TSTD2: variants seen among roughly 807,000 people sequenced by gnomAD.
TSTD2 encodes the protein thiosulfate sulfurtransferase/rhodanese-like domain-containing protein 2.
In TSTD2, 37 loss-of-function variants were observed where a neutral mutation model predicts 47.9. The ratio of observed to expected loss-of-function variants is 0.77; its 90% CI spans 0.59 to 1.02. TSTD2 has a LOEUF of 1.02. TSTD2 is among the 50% of genes least tolerant of loss of function. TSTD2 has a pLI of 0.00. For missense variants in TSTD2, 586 were observed against 616.0 expected (o/e 0.95, Z 0.52); for synonymous variants, 201 against 215.9 (o/e 0.93, Z 0.61).
chr9:97,629,100 T>C (rs1316566758), intron 1 of TSTD2, among the ~76,000 whole-genome samples: 2 of 152,118 alleles, frequency 1.3e-5, no homozygotes, highest in African/African-American at 2.4e-5. Flanking sequence ...CTGAAAATAG[T>C]AACATGCAAA....
At chr9:97,611,789 A>G in intron 4 of TSTD2, 90 bp from the exon 5 acceptor site, 1 of 1,353,720 alleles carries the variant, frequency 7.4e-7, no homozygotes, top group Non-Finnish European at 1.0e-6. Context: ...TGTGTCAATG[A>G]GTTTAACAGG....
At chr9:97,632,525 G>A (rs1050719029) in intron 1 of TSTD2, among the ~76,000 whole-genome samples, 1 of 151,184 alleles carries the variant, frequency 6.6e-6, no homozygotes, top group Admixed American at 6.6e-5. Flanking sequence ...TGGGACTACA[G>A]GCGCCAAACA....
rs1323297291 is a variant in TSTD2, at chr9:97,626,579, A to C, written c.166-582T>G. ...ATAAAAATTACTTATGCTTATTGTA[A>C]AACAATCAAACAGAAAATTCTCTTA... On this transcript the variant is annotated intron_variant, in intron 2 of 9. Coordinates refer to ENST00000341170, the MANE Select transcript of TSTD2 (RefSeq NM_139246.5). Among the ~76,000 whole-genome samples, 3 of 152,344 alleles carry C rather than the reference A, an allele frequency of 2.0e-5. No individual in the cohort carries two copies. The East Asian group carries it at 5.8e-4, about 29-fold the overall frequency.
chr9:97,608,057 C>T (rs1005837361), intron 6 of TSTD2, among the ~76,000 whole-genome samples: 1 of 152,150 alleles, frequency 6.6e-6, no homozygotes, highest in Non-Finnish European at 1.5e-5. Context: ...GTGGCGCATG[C>T]CTGTAGTCCC....
At chr9:97,617,206 G>A (rs1390806442) in intron 4 of TSTD2, among the ~76,000 whole-genome samples, 3 of 152,200 alleles carry the variant, frequency 2.0e-5, no homozygotes, top group South Asian at 4.1e-4. Flanking sequence ...AGTGGGGTAT[G>A]CGCCATGTGA....
At chr9:97,614,129 T>A (rs1826503927) in intron 4 of TSTD2, among the ~76,000 whole-genome samples, 1 of 152,160 alleles carries the variant, frequency 6.6e-6, no homozygotes, top group African/African-American at 2.4e-5. Context: ...CACCCAGCCC[T>A]ACCTGATCAA....
At chr9:97,630,750 A>G (rs905953808) in intron 1 of TSTD2, among the ~76,000 whole-genome samples, 1 of 152,236 alleles carries the variant, frequency 6.6e-6, no homozygotes, top group East Asian at 1.9e-4. Context: ...TGATGAGTAC[A>G]TGGGGTTTCA....
At chr9:97,610,163 T>A in intron 6 of TSTD2, 183 bp downstream of exon 6, 2 of 459,400 alleles carry the variant, frequency 4.4e-6, no homozygotes, top group South Asian at 4.5e-5. Context: ...AAGAGGTGAG[T>A]CTTCAACCCC....
intron 6 of TSTD2, 61 bp from the exon 7 acceptor site, chr9:97,606,322 G>T (rs1826365094): frequency 1.0e-6 from 1 of 962,742 alleles, no homozygotes; most frequent in South Asian, 1.5e-5. Flanking sequence ...ACCCAATCAT[G>T]ACTCACCCAG....
In TSTD2 at chr9:97,604,743, G is replaced by A. The variant is rs375232948; in HGVS notation, c.1236C>T (p.Asn412=). Residue 412 remains asparagine (N), a synonymous_variant, in exon 9 of 10, where the codon AAC becomes AAT. Transcript: ENST00000341170. The stretch of plus-strand genomic sequence containing the variant: ...CTGACCTACCTGACACCACATCACT[G>A]TTGTAGGACAGAGCATAGCGTTCAT... ...VFDERYALSY[N]SDVVSECSYC... 3.2e-5 allele frequency: 51 copies of A among 1,614,088 alleles called. No homozygotes were observed. The highest frequency in any genetic ancestry group is 5.5e-5 in the South Asian group (5 of 91,086).
At chr9:97,633,076 C>T (rs753560852) in intron 1 of TSTD2, among the ~76,000 whole-genome samples, 167 bp downstream of exon 1, 164 of 152,394 alleles carry the variant, frequency 1.1e-3, no homozygotes, top group Non-Finnish European at 9.8e-4. Context: ...CCGGCAAGCC[C>T]GGAGCCGCAC....
chr9:97,626,262 T>A (rs1228348614), intron 2 of TSTD2, among the ~76,000 whole-genome samples: 1 of 152,174 alleles, frequency 6.6e-6, no homozygotes, highest in East Asian at 1.9e-4. Flanking sequence ...TAAGACTAAG[T>A]CACACTGGAA....
At position 97,600,137 on chromosome 9, in the gene TSTD2, A is replaced by G; in HGVS notation, c.*2332T>C. On this transcript the variant is annotated 3_prime_UTR_variant, in exon 10 of 10. Transcript: ENST00000341170. ...AAATTTGTCTTAGCTATTAGCAAATAAAACTGATTATCATTCTTTATTAAC... is the reference window on the plus strand; with the variant it reads ...AAATTTGTCTTAGCTATTAGCAAATGAAACTGATTATCATTCTTTATTAAC... The G allele has an allele frequency of 3.0e-6, 3 of 1,003,438 alleles. No individual in the cohort carries two copies. Among genetic ancestry groups the G allele is most frequent in the Non-Finnish European group, 3.6e-6 (3 of 838,862 alleles). 62.2% of individuals were successfully genotyped at this position (1,003,438 alleles called of 1,614,324 possible). A position where few individuals can be genotyped will look rare whatever the true frequency, so the allele number is the denominator to read the frequency against.
intron 4 of TSTD2, among the ~76,000 whole-genome samples, chr9:97,617,040 C>A (rs1238201040): frequency 6.6e-6 from 1 of 152,140 alleles, no homozygotes; most frequent in African/African-American, 2.4e-5. Context: ...CAATTAAGAC[C>A]AAAGTTACTG....
At chr9:97,619,215 T>A (rs1257626617) in intron 3 of TSTD2, among the ~76,000 whole-genome samples, 2 of 152,188 alleles carry the variant, frequency 1.3e-5, no homozygotes, top group Non-Finnish European at 1.5e-5. Context: ...AAGTGTGACT[T>A]CTACTTCAAC....
intron 5 of TSTD2, among the ~76,000 whole-genome samples, 180 bp from the exon 6 acceptor site, chr9:97,610,631 C>A (rs1293268806): frequency 1.3e-5 from 2 of 152,206 alleles, no homozygotes; most frequent in Non-Finnish European, 2.9e-5. Flanking sequence ...TTACTGCATA[C>A]CTGCCATGTG....
At chr9:97,611,791 T>C in intron 4 of TSTD2, 92 bp from the exon 5 acceptor site, 1 of 1,342,080 alleles carries the variant, frequency 7.5e-7, no homozygotes, top group South Asian at 1.5e-5. Flanking sequence ...TGTCAATGAG[T>C]TTAACAGGAA....
At chr9:97,617,489 CTG>C (rs1163894885) in intron 4 of TSTD2, among the ~76,000 whole-genome samples, 7 of 152,348 alleles carry the variant, frequency 4.6e-5, no homozygotes, top group Non-Finnish European at 8.8e-5. Context: ...TATAACAAAA[CTG>C]AATAGTTTTT....
intron 3 of TSTD2, among the ~76,000 whole-genome samples, chr9:97,623,422 A>G (rs2082488268): frequency 6.6e-6 from 1 of 152,236 alleles, no homozygotes; most frequent in Non-Finnish European, 1.5e-5. Context: ...ACAGACTAAT[A>G]CAAAACCCTT....
Sources: allele counts gnomAD v4.1 joint callset (sites outside exome capture counted in the v4.1 genomes callset), GRCh38; gene constraint gnomAD v4.1.1; transcripts MANE v1.5; gene names NCBI Gene and HGNC (gene_info 2026-07-23, HGNC 2026-07-21).